The following CCDC178 variants were observed in gnomAD, a reference collection of about 807,000 sequenced individuals.
CCDC178 encodes the protein coiled-coil domain-containing protein 178.
CCDC178 carries 126 observed loss-of-function variants against 117.4 expected under a neutral mutation model. That is an observed-to-expected ratio of 1.07 (90% CI 0.93 to 1.24). The LOEUF is 1.24. Among genes scored for constraint, CCDC178 ranks in the 50% most tolerant of loss-of-function variants. CCDC178 has a pLI of 0.00. For synonymous variants in CCDC178, 283 were observed against 313.4 expected (o/e 0.90, Z 1.02); for missense variants, 1,030 against 986.9 (o/e 1.04, Z -0.59).
chr18:33,341,925 TA>T (rs577928008), intron 9 of CCDC178, among the ~76,000 whole-genome samples: 3 of 151,932 alleles, frequency 2.0e-5, no homozygotes, highest in African/African-American at 7.3e-5. Context: ...TGGCATGGAT[TA>T]AAAAAAACTC....
intron 11 of CCDC178, among the ~76,000 whole-genome samples, chr18:33,311,310 A>T (rs189283316): frequency 2.0e-5 from 3 of 152,310 alleles, no homozygotes; most frequent in Admixed American, 2.0e-4. Context: ...AAACTCTTAA[A>T]AGTAAATTTA....
rs547665754 is a variant in CCDC178 at position 33,348,761 on chromosome 18, T to G, written c.457+129A>C. On this transcript the variant is annotated intron_variant, in intron 8 of 22. Transcript: ENST00000383096. ...AATCAAATGATATAGAGGACTATTT[T>G]GTCTATTAAACATTCATAATAATTA... The G allele has an allele frequency of 3.3e-5, 21 of 637,656 alleles. 1 individual carries two copies. Among genetic ancestry groups the G allele is most frequent in the African/African-American group, 3.1e-4 (17 of 54,250 alleles). 39.5% of individuals were successfully genotyped at this position (637,656 alleles called of 1,614,324 possible).
intron 5 of CCDC178, among the ~76,000 whole-genome samples, chr18:33,372,299 GT>G (rs966028138): frequency 1.3e-5 from 2 of 152,028 alleles, no homozygotes; most frequent in African/African-American, 4.8e-5. Flanking sequence ...ATTCTACTCA[GT>G]TTAGGGTGAC....
At chr18:33,335,365 T>G (rs780468689) in intron 9 of CCDC178, among the ~76,000 whole-genome samples, 1 of 152,078 alleles carries the variant, frequency 6.6e-6, no homozygotes, top group East Asian at 1.9e-4. Flanking sequence ...ATGCAATGTT[T>G]GATAATATCT....
chr18:33,333,176 C>G lies in CCDC178; in HGVS notation c.877G>C (p.Glu293Gln), dbSNP rs373625111. The change falls in exon 10 of 23, where the codon GAG (glutamate) becomes CAG (glutamine). Residue 293 changes from glutamate (E) to glutamine (Q), a missense_variant and splice_region_variant. Physicochemically the swap from Glu to Gln is conservative, Grantham distance 29 (BLOSUM62 2). Transcript: ENST00000383096. ...TGCTCATGCATTCGTTTATTTACCT[C>G]CATTTTTTTTTTATAATGGTTCTTC... ...DLKNHYKKKM[E>Q]VMDLHRKVNE... The G allele has an allele frequency of 3.8e-6, 6 of 1,561,412 alleles. No homozygotes were observed. Among genetic ancestry groups the G allele is most frequent in the Non-Finnish European group, 5.2e-6 (6 of 1,145,024 alleles).
chr18:33,133,650 G>A (rs2058091531), intron 20 of CCDC178, among the ~76,000 whole-genome samples: 1 of 151,848 alleles, frequency 6.6e-6, no homozygotes, highest in Non-Finnish European at 1.5e-5. Context: ...AAACTCCGTA[G>A]ACAACTCATG....
chr18:33,327,947 T>TA (rs2062607148), intron 10 of CCDC178, among the ~76,000 whole-genome samples: 1 of 152,100 alleles, frequency 6.6e-6, no homozygotes, highest in Non-Finnish European at 1.5e-5. Context: ...TTTCATTCTA[T>TA]AGGTTGTCTT....
chr18:33,359,902 T>A (rs1325271493), intron 6 of CCDC178, among the ~76,000 whole-genome samples: 1 of 151,340 alleles, frequency 6.6e-6, no homozygotes, highest in African/African-American at 2.4e-5. Context: ...AAATCTAACA[T>A]TTCCATTGAC....
chr18:33,114,861 C>G (rs554839417), intron 20 of CCDC178, among the ~76,000 whole-genome samples: 3 of 152,038 alleles, frequency 2.0e-5, no homozygotes, highest in Middle Eastern at 3.4e-3. Flanking sequence ...TTTCCAAAGG[C>G]CAAAGTTTTT....
intron 21 of CCDC178, among the ~76,000 whole-genome samples, chr18:33,004,705 A>G (rs913108009): frequency 2.6e-5 from 4 of 152,134 alleles, no homozygotes; most frequent in Non-Finnish European, 4.4e-5. Context: ...AAATAGTTGC[A>G]AACTATCCAT....
chr18:33,254,251 AACACACACACACACAC>A lies in CCDC178; in HGVS notation c.1410-8839_1410-8824del, dbSNP rs34689445. On this transcript the variant is annotated intron_variant, in intron 14 of 22. Transcript: ENST00000383096. ...GTCATTTATTCAACATCTATTGAGA[AACACACACACACACAC>A]ACACACACACACACACACACACACA... 1.3e-3 allele frequency among the ~76,000 whole-genome samples: 179 copies of A among 135,464 alleles called. 1 individual carries two copies. Among genetic ancestry groups the A allele is most frequent in the African/African-American group, 4.0e-3 (145 of 36,666 alleles). The allele number at this position is 135,464 out of a possible 152,430, so 88.9% of individuals were successfully genotyped here.
intron 9 of CCDC178, among the ~76,000 whole-genome samples, chr18:33,344,478 A>T (rs1451091371): frequency 6.6e-6 from 1 of 152,140 alleles, no homozygotes; most frequent in Non-Finnish European, 1.5e-5. Context: ...CATAACAAAT[A>T]TTTATTCCAT....
rs139786250 is a variant in CCDC178 at position 33,438,543 on chromosome 18, AACAC to A, written c.-23+1415_-23+1418del. 1.2e-3 allele frequency among the ~76,000 whole-genome samples: 175 copies of A among 148,478 alleles called. 1 individual carries two copies. The highest frequency in any genetic ancestry group is 1.5e-3 in the South Asian group (7 of 4,676). Reference sequence around the variant, plus strand: ...TACACACACACACACACACACGGCAAACACACACACACACACACACACAATTTGT... The same window carrying A: ...TACACACACACACACACACACGGCAAACACACACACACACACACAATTTGT... On this transcript the variant is annotated intron_variant, in intron 2 of 22. Transcript: ENST00000383096.
chr18:33,201,100 C>T (rs2058985881), intron 20 of CCDC178, among the ~76,000 whole-genome samples: 2 of 152,116 alleles, frequency 1.3e-5, no homozygotes, highest in African/African-American at 4.8e-5. Flanking sequence ...CTGGAAGGCT[C>T]ACAGGAGTGA....
At chr18:33,007,585 C>A (rs982071269) in intron 21 of CCDC178, among the ~76,000 whole-genome samples, 1 of 152,054 alleles carries the variant, frequency 6.6e-6, no homozygotes, top group African/African-American at 2.4e-5. Flanking sequence ...TCCTGTCATT[C>A]CCCTCTAACG....
At chr18:33,261,138 C>T (rs890464145) in intron 14 of CCDC178, among the ~76,000 whole-genome samples, 4 of 151,934 alleles carry the variant, frequency 2.6e-5, no homozygotes, top group African/African-American at 9.7e-5. Flanking sequence ...GGCTGGAGTG[C>T]AGTGGCACGA....
At chr18:33,109,038 G>C (rs1301903814) in intron 20 of CCDC178, among the ~76,000 whole-genome samples, 1 of 151,552 alleles carries the variant, frequency 6.6e-6, no homozygotes, top group Non-Finnish European at 1.5e-5. Context: ...TCATATGGTT[G>C]CTCTTCATTA....
At chr18:33,178,879 T>C (rs933116868) in intron 20 of CCDC178, among the ~76,000 whole-genome samples, 4 of 151,008 alleles carry the variant, frequency 2.6e-5, no homozygotes. Flanking sequence ...GCACCCCACA[T>C]TTATCACCCT....
intron 12 of CCDC178, among the ~76,000 whole-genome samples, chr18:33,282,146 G>T (rs539554664): frequency 2.4e-4 from 37 of 152,306 alleles, no homozygotes; most frequent in Non-Finnish European, 4.0e-4. Context: ...AGTTCCGGAG[G>T]AATAGGTGAG....
Sources: allele counts gnomAD v4.1 joint callset (sites outside exome capture counted in the v4.1 genomes callset), GRCh38; gene constraint gnomAD v4.1.1; transcripts MANE v1.5; gene names NCBI Gene and HGNC (gene_info 2026-07-23, HGNC 2026-07-21).